The following EDAR variants were observed in gnomAD, a reference collection of about 807,000 sequenced individuals.
The protein encoded by EDAR is tumor necrosis factor receptor superfamily member EDAR.
EDAR carries 38 observed loss-of-function variants against 51.3 expected under a neutral mutation model. The observed-to-expected ratio is 0.74, with a 90% CI of 0.57 to 0.97. The LOEUF (loss-of-function observed/expected upper bound fraction) is 0.97, where lower values mean the gene tolerates loss of function less well. Ranked by LOEUF, EDAR falls within the 50% of genes least tolerant of loss-of-function variation. The pLI, the probability that EDAR is intolerant of heterozygous loss-of-function variation, is 0.00. For missense variants in EDAR, 528 were observed against 595.0 expected, an observed-to-expected ratio of 0.89 and a Z score of 1.17; for synonymous variants, 227 against 242.1, an observed-to-expected ratio of 0.94 and a Z score of 0.58.
At chr2:108,977,624 G>C (rs1210890222) in intron 1 of EDAR, among the ~76,000 whole-genome samples, 1 of 152,098 alleles carries the variant, frequency 6.6e-6, no homozygotes. Context: ...CTTGGAGTGA[G>C]GAGGGACTGG....
intron 1 of EDAR, among the ~76,000 whole-genome samples, chr2:108,931,726 T>C (rs1163933710): frequency 1.3e-5 from 2 of 151,942 alleles, no homozygotes; most frequent in Admixed American, 6.5e-5. Context: ...TGGGTTTTTT[T>C]TTCTTTTTTT....
intron 1 of EDAR, among the ~76,000 whole-genome samples, chr2:108,968,324 G>C (rs10496426): frequency 0.03 from 4,636 of 152,252 alleles, 198 homozygotes; most frequent in African/African-American, 0.09. Context: ...TAGCTCATAG[G>C]TCTTCAAGCC....
At chr2:108,938,446 GT>G (rs1311349903) in intron 1 of EDAR, among the ~76,000 whole-genome samples, 1 of 152,232 alleles carries the variant, frequency 6.6e-6, no homozygotes, top group Non-Finnish European at 1.5e-5. Context: ...ATTTCCCGCA[GT>G]TTGTGGTGCT....
chr2:108,932,548 A>AAAAAG (rs1558816639), intron 1 of EDAR, among the ~76,000 whole-genome samples: 5 of 151,234 alleles, frequency 3.3e-5, no homozygotes, highest in African/African-American at 1.2e-4. Flanking sequence ...AAAAAAAAAA[A>AAAAAG]AAAAGAAAGA....
intron 4 of EDAR, among the ~76,000 whole-genome samples, chr2:108,925,579 C>A (rs1471967777): frequency 6.6e-6 from 1 of 152,188 alleles, no homozygotes; most frequent in Non-Finnish European, 1.5e-5. Flanking sequence ...AGCTATGCAA[C>A]CTATCAAGTC....
intron 1 of EDAR, among the ~76,000 whole-genome samples, chr2:108,963,071 G>A (rs1698083912): frequency 6.6e-6 from 1 of 152,154 alleles, no homozygotes; most frequent in South Asian, 2.1e-4. Flanking sequence ...GTCACTCACT[G>A]TCACTTGTAA....
At chr2:108,911,114 T>A in intron 6 of EDAR, 42 bp from the exon 7 acceptor site, 1 of 1,613,206 alleles carries the variant, frequency 6.2e-7, no homozygotes, top group Non-Finnish European at 8.5e-7. Context: ...GAGCTCAGGA[T>A]CCCTGCTGGT....
intron 5 of EDAR, among the ~76,000 whole-genome samples, chr2:108,921,100 C>G (rs921588528): frequency 6.6e-6 from 1 of 152,172 alleles, no homozygotes; most frequent in Non-Finnish European, 1.5e-5. Flanking sequence ...CTGCGAATCA[C>G]CCCCCTGAAA....
intron 1 of EDAR, among the ~76,000 whole-genome samples, chr2:108,943,837 C>T (rs1697658737): frequency 6.6e-6 from 1 of 152,040 alleles, no homozygotes; most frequent in South Asian, 2.1e-4. Context: ...GGATGCCAGC[C>T]CGGGGCTGAG....
Position 108,896,949 on chromosome 2 carries a change from C to G in EDAR, c.1305G>C (p.Ala435=). ...GCTGGGAGGCAGGTGGCACAACCCC[C>G]GCCCACTCCAGTATGTCTGCACACA... The part of the protein sequence containing the change: ...ESLCADILEW[A]GVVPPASQPH... The change falls in exon 12 of 12, where the codon GCG becomes GCC. Residue 435 remains alanine, a synonymous_variant. Coordinates refer to ENST00000258443, the MANE Select transcript of EDAR (RefSeq NM_022336.4). The G allele has an allele frequency of 6.2e-7, 1 of 1,613,352 alleles. No individual in the cohort carries two copies. Among genetic ancestry groups the G allele is most frequent in the South Asian group, 1.1e-5 (1 of 90,864 alleles).
intron 1 of EDAR, among the ~76,000 whole-genome samples, chr2:108,965,772 G>A (rs555414246): frequency 1.3e-5 from 2 of 152,106 alleles, no homozygotes; most frequent in Admixed American, 6.6e-5. Context: ...GGGGGCTGGG[G>A]TTTTAGCACA....
At chr2:108,986,305 T>A (rs1698499794) in intron 1 of EDAR, among the ~76,000 whole-genome samples, 1 of 152,186 alleles carries the variant, frequency 6.6e-6, no homozygotes, top group Non-Finnish European at 1.5e-5. Context: ...GACTGTTTCC[T>A]CTTGATCCCT....
At position 108,897,045 on chromosome 2, in the gene EDAR, C is replaced by T. The variant is rs200198949; in HGVS notation, c.1209G>A (p.Thr403=). The change falls in exon 12 of 12, where the codon ACG becomes ACA. Residue 403 remains threonine (T), a synonymous_variant. Coordinates refer to ENST00000258443, the MANE Select transcript of EDAR (RefSeq NM_022336.4). ...GTAGCTCAGGGATGCTGTAGCCTGC[C>T]GTGCTGATGCGGTCAAAGAGTTGCA... ...DGMQLFDRIS[T]AGYSIPELLT... 2.0e-5 allele frequency: 32 copies of T among 1,614,116 alleles called. No homozygotes were observed. Among genetic ancestry groups the T allele is most frequent in the Middle Eastern group, 3.3e-4 (2 of 6,062 alleles).
At position 108,898,933 on chromosome 2, in the gene EDAR, TATAAC is replaced by T. The variant is rs1333865705; in HGVS notation, c.1025-1709_1025-1705del. Among the ~76,000 whole-genome samples, 29 of 152,286 alleles carry T rather than the reference TATAAC, an allele frequency of 1.9e-4. 1 individual carries two copies. The highest frequency in any genetic ancestry group is 7.2e-4 in the Admixed American group (11 of 15,292). Reference sequence around the variant, plus strand: ...ACAGAGCCTTAGGGAACTGTGGAGTTATAACAGAAGAGCTAACATTTGTGTCAAGA... The same window carrying T: ...ACAGAGCCTTAGGGAACTGTGGAGTTAGAAGAGCTAACATTTGTGTCAAGA... On this transcript the variant is annotated intron_variant, in intron 11 of 11. Coordinates refer to ENST00000258443, the MANE Select transcript of EDAR (RefSeq NM_022336.4).
At chr2:108,982,929 GTC>G (rs1022214088) in intron 1 of EDAR, among the ~76,000 whole-genome samples, 20 of 152,086 alleles carry the variant, frequency 1.3e-4, no homozygotes, top group Admixed American at 9.2e-4. Flanking sequence ...TGCAGGGATG[GTC>G]TCTCTCTCTC....
chr2:108,923,575 G>A (rs1331320516), intron 4 of EDAR, 122 bp from the exon 5 acceptor site: 3 of 811,680 alleles, frequency 3.7e-6, no homozygotes, highest in Non-Finnish European at 6.4e-6. Context: ...ATGAGGCCAC[G>A]CCCACTCAGT....
intron 1 of EDAR, among the ~76,000 whole-genome samples, chr2:108,959,037 C>T (rs1216415177): frequency 6.6e-6 from 1 of 152,228 alleles, no homozygotes; most frequent in African/African-American, 2.4e-5. Flanking sequence ...ACACTGTGCT[C>T]CCAAAATCAT....
chr2:108,916,143 C>T (rs1697023853), intron 5 of EDAR, among the ~76,000 whole-genome samples: 1 of 152,078 alleles, frequency 6.6e-6, no homozygotes, highest in African/African-American at 2.4e-5. Context: ...GGCATAGTTT[C>T]CAGCATGACC....
rs910616133 is a variant in EDAR at position 108,908,034 on chromosome 2, G to A, written c.804-15C>T. On this transcript the variant is annotated splice_polypyrimidine_tract_variant and intron_variant, in intron 9 of 11. Coordinates refer to ENST00000258443, the MANE Select transcript of EDAR (RefSeq NM_022336.4). ...CATCGTTCTCGCTGCAAAAACAAGA[G>A]CGATGGTCATTAGCAGTGCCTGGGG... The A allele has an allele frequency of 5.0e-6, 8 of 1,604,076 alleles. No individual in the cohort carries two copies. Among genetic ancestry groups the A allele is most frequent in the African/African-American group, 1.3e-5 (1 of 74,876 alleles).
Sources: gnomAD v4.1 joint callset for allele counts (sites outside exome capture counted in the v4.1 genomes callset) on GRCh38, gnomAD v4.1.1 for gene constraint, MANE v1.5 for transcripts, NCBI Gene and HGNC (gene_info 2026-07-23, HGNC 2026-07-21) for gene names.